The following ERICH3 variants were observed in gnomAD, a reference collection of about 807,000 sequenced individuals.
ERICH3 encodes glutamate-rich protein 3.
Under a neutral mutation model 131.1 loss-of-function variants are expected in ERICH3, and 126 were observed. That is an observed-to-expected ratio of 0.96 (90% confidence interval 0.83 to 1.11). The LOEUF (loss-of-function observed/expected upper bound fraction) is 1.11. Among genes scored for constraint, ERICH3 ranks in the 50% most tolerant of loss-of-function variants. The pLI, the probability that ERICH3 is intolerant of heterozygous loss-of-function variation, is 0.00. For synonymous variants in ERICH3, 695 were observed against 644.6 expected, an observed-to-expected ratio of 1.08 and a Z score of -1.18; for missense variants, 2,050 against 1,810.7, an observed-to-expected ratio of 1.13 and a Z score of -2.40.
At chr1:74,597,924 C>T (rs957392510) in intron 11 of ERICH3, among the ~76,000 whole-genome samples, 105 of 151,956 alleles carry the variant, frequency 6.9e-4, no homozygotes, top group African/African-American at 2.4e-3. Flanking sequence ...ATCCTCTGAA[C>T]ATCTGTTGAG....
intron 10 of ERICH3, among the ~76,000 whole-genome samples, chr1:74,600,256 A>T (rs1421728493): frequency 2.0e-5 from 3 of 151,948 alleles, no homozygotes; most frequent in African/African-American, 7.2e-5. Flanking sequence ...TAAATTAGAA[A>T]TAAATTAAAA....
intron 12 of ERICH3, among the ~76,000 whole-genome samples, chr1:74,588,006 C>A (rs974379071): frequency 6.6e-6 from 1 of 152,050 alleles, no homozygotes; most frequent in Non-Finnish European, 1.5e-5. Flanking sequence ...TTTAAAAATA[C>A]AAAAATCATT....
chr1:74,574,746 A>AT (rs904501852), intron 13 of ERICH3, among the ~76,000 whole-genome samples: 1 of 152,266 alleles, frequency 6.6e-6, no homozygotes, highest in South Asian at 2.1e-4. Flanking sequence ...AACAAAGTGG[A>AT]TTTTTTTACT....
intron 1 of ERICH3, among the ~76,000 whole-genome samples, chr1:74,653,336 G>A (rs957615793): frequency 1.6e-4 from 25 of 151,854 alleles, no homozygotes; most frequent in Non-Finnish European, 1.8e-4. Context: ...CAATCTAGTG[G>A]GGAGATGCAC....
rs1360459271 is a variant in ERICH3 at position 74,569,563 on chromosome 1, T to C, written c.*895A>G. Reference sequence around the variant, plus strand: ...GAAGGTGAGCAGCACACTCATTTAATCCAAGTTTCTTTTCCATTTAATGAC... The same window carrying C: ...GAAGGTGAGCAGCACACTCATTTAACCCAAGTTTCTTTTCCATTTAATGAC... On this transcript the variant is annotated 3_prime_UTR_variant, in exon 15 of 15. Transcript: ENST00000326665. 6.6e-6 allele frequency: 1 copy of C among 152,204 alleles called. No homozygotes were observed. The highest frequency in any genetic ancestry group is 6.5e-5 in the Admixed American group (1 of 15,276). The allele number at this position is 152,204 out of a possible 1,614,324, so 9.4% of individuals were successfully genotyped here.
At chr1:74,590,367 T>C (rs1427374300) in intron 11 of ERICH3, among the ~76,000 whole-genome samples, 1 of 152,142 alleles carries the variant, frequency 6.6e-6, no homozygotes, top group African/African-American at 2.4e-5. Context: ...TATTATTACA[T>C]TGTAATATAT....
chr1:74,641,611 G>T, intron 4 of ERICH3, 152 bp from the exon 5 acceptor site: 1 of 898,522 alleles, frequency 1.1e-6, no homozygotes, highest in Non-Finnish European at 1.7e-6. Context: ...GTGGTGGTAA[G>T]GCAAGAAATT....
intron 7 of ERICH3, among the ~76,000 whole-genome samples, chr1:74,621,241 A>G (rs1361667969): frequency 2.0e-5 from 3 of 152,148 alleles, no homozygotes; most frequent in Non-Finnish European, 4.4e-5. Context: ...AATTTCAATG[A>G]CACCAAGAAG....
intron 12 of ERICH3, among the ~76,000 whole-genome samples, chr1:74,587,873 T>C (rs561399355): frequency 2.4e-4 from 36 of 152,330 alleles, no homozygotes; most frequent in South Asian, 1.7e-3. Context: ...AGAATCTTGA[T>C]TTATATATGA....
chr1:74,637,099 T>C (rs960309147), intron 5 of ERICH3, among the ~76,000 whole-genome samples: 11 of 152,208 alleles, frequency 7.2e-5, no homozygotes, highest in Non-Finnish European at 1.2e-4. Flanking sequence ...CCATTCACCT[T>C]TTCTGGCCTG....
At chr1:74,616,750 C>A (rs1648984386) in intron 8 of ERICH3, among the ~76,000 whole-genome samples, 1 of 151,988 alleles carries the variant, frequency 6.6e-6, no homozygotes, top group African/African-American at 2.4e-5. Flanking sequence ...GGCCCTCAAT[C>A]CAATGGCTGA....
Position 74,641,332 on chromosome 1 carries a change from A to G in ERICH3, c.443T>C (p.Leu148Pro). The G allele has an allele frequency of 1.2e-6, 2 of 1,612,074 alleles. No individual in the cohort carries two copies. Among genetic ancestry groups the G allele is most frequent in the African/African-American group, 1.3e-5 (1 of 74,826 alleles). The change falls in exon 5 of 15, where the codon CTG becomes CCG. Residue 148 changes from leucine (L) to proline (P), a missense_variant and splice_region_variant. Leu to Pro is a moderately conservative substitution (Grantham distance 98). Transcript: ENST00000326665. ...VDEGHSSPLA[L>P]TAPRPYTAPG... Reference sequence around the variant, plus strand: ...GACGAAGTGTTTAATATTACTCACCAGTGCTAACGGACTGGAATGTCCTTC... The same window carrying G: ...GACGAAGTGTTTAATATTACTCACCGGTGCTAACGGACTGGAATGTCCTTC...
intron 7 of ERICH3, among the ~76,000 whole-genome samples, chr1:74,626,419 G>A (rs987020600): frequency 2.6e-5 from 4 of 152,218 alleles, no homozygotes; most frequent in Non-Finnish European, 5.9e-5. Flanking sequence ...GGTAGATAGG[G>A]GGCTTTCATG....
chr1:74,575,831 CACA>C (rs1274339860), intron 13 of ERICH3, among the ~76,000 whole-genome samples: 1 of 152,154 alleles, frequency 6.6e-6, no homozygotes, highest in African/African-American at 2.4e-5. Flanking sequence ...GTTATATGAA[CACA>C]ACACTATAAG....
intron 1 of ERICH3, among the ~76,000 whole-genome samples, chr1:74,661,529 G>A (rs985176392): frequency 1.1e-4 from 16 of 152,170 alleles, no homozygotes; most frequent in Admixed American, 1.0e-3. Context: ...AAAGAAATTA[G>A]TTTAATTGAA....
intron 14 of ERICH3, among the ~76,000 whole-genome samples, chr1:74,570,852 C>A (rs1017472282): frequency 1.3e-5 from 2 of 152,144 alleles, no homozygotes; most frequent in African/African-American, 4.8e-5. Flanking sequence ...CTTCAGGGAG[C>A]TGCCTTGCAA....
intron 3 of ERICH3, among the ~76,000 whole-genome samples, chr1:74,643,997 C>T (rs1053619671): frequency 3.9e-5 from 6 of 151,960 alleles, no homozygotes; most frequent in African/African-American, 1.4e-4. Context: ...TGCTTTTCCC[C>T]CCAAGTTTTT....
intron 12 of ERICH3, among the ~76,000 whole-genome samples, chr1:74,580,906 A>G (rs1033402743): frequency 6.6e-6 from 1 of 152,108 alleles, no homozygotes; most frequent in Admixed American, 6.6e-5. Context: ...TAGTTTTTCA[A>G]TCCACGGCCC....
chr1:74,573,112 A>T lies in ERICH3; in HGVS notation c.2598T>A (p.Asp866Glu). The change falls in exon 14 of 15, where the codon GAT becomes GAA. Residue 866 changes from aspartate to glutamate, a missense_variant. Asp to Glu is a conservative substitution (Grantham distance 45). Transcript: ENST00000326665. Reference sequence around the variant, plus strand: ...CCTCATCTTTACTCAGACCCACAGCATCTTTTGCTGCTGCTTGTCCTATGG... The same window carrying T: ...CCTCATCTTTACTCAGACCCACAGCTTCTTTTGCTGCTGCTTGTCCTATGG... ...SDPIGQAAAK[D>E]AVGLSKDEAP... 2 of 1,614,004 alleles carry T rather than the reference A, an allele frequency of 1.2e-6. No homozygotes were observed. Among genetic ancestry groups the T allele is most frequent in the Non-Finnish European group, 1.7e-6 (2 of 1,179,936 alleles).
Sources: gnomAD v4.1 joint callset for allele counts (sites outside exome capture counted in the v4.1 genomes callset) on GRCh38, gnomAD v4.1.1 for gene constraint, MANE v1.5 for transcripts, NCBI Gene and HGNC (gene_info 2026-07-23, HGNC 2026-07-21) for gene names.